Variants in AK8 observed in about 807,000 individuals in gnomAD.
AK8 encodes ATP-AMP transphosphorylase 8.
In AK8, 44 loss-of-function variants were observed where a neutral mutation model predicts 54.6. That is an observed-to-expected ratio of 0.81 (90% confidence interval 0.63 to 1.04). AK8 has a LOEUF of 1.04. AK8 is among the 50% of genes least tolerant of loss of function. The pLI is 0.00. For synonymous variants in AK8, 239 were observed against 245.6 expected, an observed-to-expected ratio of 0.97 and a Z score of 0.25; for missense variants, 555 against 613.6, an observed-to-expected ratio of 0.90 and a Z score of 1.01.
chr9:132,812,829 C>A (rs1214690429), intron 10 of AK8, among the ~76,000 whole-genome samples: 6 of 151,942 alleles, frequency 3.9e-5, no homozygotes, highest in Admixed American at 3.3e-4. Context: ...ACATCCACCT[C>A]ATTCTGTGGC....
chr9:132,781,976 A>G lies in AK8; in HGVS notation c.1121+10658T>C, dbSNP rs996211395. 6.6e-6 allele frequency among the ~76,000 whole-genome samples: 1 copy of G among 152,250 alleles called. No homozygotes were observed. The highest frequency in any genetic ancestry group is 1.5e-5 in the Non-Finnish European group (1 of 68,038). ...GAGGAAGGAAAATATACCTTCAATGACTACGAAAGGATGATCAACAGCAGC... is the reference window on the plus strand; with the variant it reads ...GAGGAAGGAAAATATACCTTCAATGGCTACGAAAGGATGATCAACAGCAGC... On this transcript the variant is annotated intron_variant, in intron 11 of 12. Transcript: ENST00000298545. The surrounding 1 kb of genome is among the most constrained non-coding windows in gnomAD (Gnocchi z 4.6).
intron 11 of AK8, among the ~76,000 whole-genome samples, chr9:132,732,140 G>A (rs1836872027): frequency 2.1e-5 from 2 of 95,268 alleles, no homozygotes; most frequent in South Asian, 8.4e-4. Flanking sequence ...GCTCTGTGGT[G>A]TTTTTAATAT....
In AK8 at chr9:132,828,053, G is replaced by C; in HGVS notation, c.516C>G (p.Ile172Met). 7 of 1,573,212 alleles carry C rather than the reference G, an allele frequency of 4.4e-6. No homozygotes were observed. Among genetic ancestry groups the C allele is most frequent in the Non-Finnish European group, 6.0e-6 (7 of 1,157,986 alleles). ...CGATTCTCTTCCCCAAGTTTCTCTC[G>C]ATCAGGACCGTGTCTGGAGCACTCA... ...IVLSAPDTVL[I>M]ERNLGKRIDP... Residue 172 changes from isoleucine (I) to methionine (M), a missense_variant, in exon 7 of 13, where the codon ATC becomes ATG. Transcript: ENST00000298545.
At chr9:132,756,350 C>A (rs561823331) in intron 11 of AK8, among the ~76,000 whole-genome samples, 1 of 152,222 alleles carries the variant, frequency 6.6e-6, no homozygotes, top group East Asian at 1.9e-4. Context: ...AAGCTGCTGT[C>A]GGGCCCAACT....
At chr9:132,748,217 G>GT (rs1045514802) in intron 11 of AK8, among the ~76,000 whole-genome samples, 3 of 151,640 alleles carry the variant, frequency 2.0e-5, no homozygotes, top group African/African-American at 7.3e-5. Flanking sequence ...GTAGATAACC[G>GT]TAAGACTGGA....
chr9:132,804,055 G>A (rs1337445348), intron 10 of AK8, among the ~76,000 whole-genome samples: 3 of 146,736 alleles, frequency 2.0e-5, no homozygotes, highest in Non-Finnish European at 3.0e-5. Flanking sequence ...GTAGTGAGCC[G>A]AGATCGCGCC....
chr9:132,758,266 T>C (rs1375060044), intron 11 of AK8, among the ~76,000 whole-genome samples: 1 of 152,206 alleles, frequency 6.6e-6, no homozygotes, highest in Non-Finnish European at 1.5e-5. Flanking sequence ...GCATGTTTAT[T>C]ACAGAACCAT....
intron 10 of AK8, among the ~76,000 whole-genome samples, chr9:132,794,000 C>T (rs1028570309): frequency 2.6e-5 from 4 of 152,264 alleles, no homozygotes; most frequent in Admixed American, 6.5e-5. Context: ...GCCAGGTGAA[C>T]GTGGAAGCAA....
At chr9:132,810,123 ATC>A (rs1343999859) in intron 10 of AK8, among the ~76,000 whole-genome samples, 2 of 152,200 alleles carry the variant, frequency 1.3e-5, no homozygotes, top group Non-Finnish European at 2.9e-5. Context: ...ATTCTTTGTT[ATC>A]CCTGCGAGAT....
chr9:132,828,560 G>T, intron 6 of AK8, 85 bp downstream of exon 6: 1 of 1,247,934 alleles, frequency 8.0e-7, no homozygotes, highest in Non-Finnish European at 1.1e-6. Context: ...CTGAGGTCAG[G>T]AGCAGGCAGC....
chr9:132,748,059 A>G (rs966134242), intron 11 of AK8, among the ~76,000 whole-genome samples: 19 of 151,704 alleles, frequency 1.3e-4, no homozygotes, highest in Admixed American at 1.3e-3. Context: ...AGACGGTGCC[A>G]TTGCACTCCA....
chr9:132,755,831 G>A (rs192122006), intron 11 of AK8, among the ~76,000 whole-genome samples: 3 of 151,254 alleles, frequency 2.0e-5, no homozygotes, highest in Non-Finnish European at 2.9e-5. Flanking sequence ...GTAATGGTGC[G>A]ATCTCTGCTC....
chr9:132,830,071 A>G (rs1842042839), intron 5 of AK8, among the ~76,000 whole-genome samples: 2 of 152,214 alleles, frequency 1.3e-5, no homozygotes, highest in Admixed American at 1.3e-4. Context: ...ACCACACTGT[A>G]CACACTGTTT....
rs546266801 is a variant in AK8, at chr9:132,823,853, G to C, written c.758-517C>G. The stretch of plus-strand genomic sequence containing the variant: ...GCATCCAGCCACATGGGGGCCCAGT[G>C]CCCAGGGACTTCTAAAGGACTCGAA... On this transcript the variant is annotated intron_variant, in intron 8 of 12. Transcript: ENST00000298545. 7.2e-5 allele frequency among the ~76,000 whole-genome samples: 11 copies of C among 152,364 alleles called. No homozygotes were observed. In the East Asian group the frequency reaches 1.9e-3, roughly 27 times the overall value.
At chr9:132,760,674 T>A (rs1838414881) in intron 11 of AK8, among the ~76,000 whole-genome samples, 1 of 152,158 alleles carries the variant, frequency 6.6e-6, no homozygotes, top group African/African-American at 2.4e-5. Flanking sequence ...AGGGCATGCT[T>A]CTAACATTTC....
At chr9:132,823,434 CT>C in intron 8 of AK8, 98 bp from the exon 9 acceptor site, 3 of 1,510,758 alleles carry the variant, frequency 2.0e-6, no homozygotes, top group African/African-American at 1.4e-5. Context: ...GGCAGTAACT[CT>C]TTTTCTCTTT....
chr9:132,868,341 C>T (rs1382642874), intron 2 of AK8, among the ~76,000 whole-genome samples: 1 of 152,226 alleles, frequency 6.6e-6, no homozygotes. Flanking sequence ...ATGGCACCTT[C>T]TCATTTTTGG....
chr9:132,737,524 A>G (rs1342810070), intron 11 of AK8, among the ~76,000 whole-genome samples: 1 of 152,238 alleles, frequency 6.6e-6, no homozygotes, highest in Non-Finnish European at 1.5e-5. Flanking sequence ...CATAAAAAGA[A>G]TAATACATCA....
intron 11 of AK8, among the ~76,000 whole-genome samples, chr9:132,773,108 A>C (rs1418448994): frequency 6.6e-6 from 1 of 152,086 alleles, no homozygotes; most frequent in East Asian, 1.9e-4. Context: ...GTCTCCTGTG[A>C]CCTCTGACAC....
Sources: gnomAD v4.1 joint callset for allele counts (sites outside exome capture counted in the v4.1 genomes callset) on GRCh38, gnomAD v4.1.1 for gene constraint, Gnocchi (gnomAD v3.1) non-coding constraint, MANE v1.5 for transcripts, NCBI Gene and HGNC (gene_info 2026-07-23, HGNC 2026-07-21) for gene names.